Variants in ZSCAN25 observed in about 807,000 individuals in gnomAD.
ZSCAN25 encodes zinc finger and SCAN domain-containing protein 25.
A neutral mutation model predicts 38.7 loss-of-function variants in ZSCAN25; 27 were observed. The ratio of observed to expected loss-of-function variants is 0.70; its 90% CI spans 0.51 to 0.96. ZSCAN25 has a LOEUF of 0.96. Among genes scored for constraint, ZSCAN25 ranks in the 40% least tolerant of loss-of-function variants. The pLI, the probability that ZSCAN25 is intolerant of heterozygous loss-of-function variation, is 0.00. For missense variants in ZSCAN25, 637 were observed against 705.9 expected (o/e 0.90, Z 1.11); for synonymous variants, 273 against 277.7 (o/e 0.98, Z 0.17).
intron 5 of ZSCAN25, 93 bp downstream of exon 5, chr7:99,621,667 G>C (rs1806977363): frequency 2.8e-6 from 3 of 1,066,958 alleles, no homozygotes; most frequent in Non-Finnish European, 3.7e-6. Context: ...GAGCAACTAA[G>C]TTACCCACGA....
the ZSCAN25 span, among the ~76,000 whole-genome samples, chr7:99,719,408 T>A: frequency 6.6e-6 from 1 of 152,144 alleles, no homozygotes; most frequent in Non-Finnish European, 1.5e-5. Context: ...TTGGAACAAC[T>A]GGACAACTAC....
the ZSCAN25 span, among the ~76,000 whole-genome samples, chr7:99,725,126 G>A: frequency 6.6e-6 from 1 of 152,164 alleles, no homozygotes; most frequent in Admixed American, 6.5e-5. Flanking sequence ...ATACAAGGCT[G>A]TTAATTATGA....
downstream of ZSCAN25, among the ~76,000 whole-genome samples, chr7:99,636,935 A>G (rs921594061): frequency 2.6e-5 from 4 of 152,244 alleles, no homozygotes; most frequent in Non-Finnish European, 5.9e-5. Context: ...TCAAGTCTAC[A>G]CATCATTCAT....
At chr7:99,730,236 C>T in the ZSCAN25 span, among the ~76,000 whole-genome samples, 22 of 152,276 alleles carry the variant, frequency 1.4e-4, no homozygotes, top group African/African-American at 5.3e-4. Flanking sequence ...ATTAAATATT[C>T]AATAATTTTG....
chr7:99,708,906 T>C, the ZSCAN25 span: 1 of 1,120,902 alleles, frequency 8.9e-7, no homozygotes, highest in African/African-American at 1.6e-5. Flanking sequence ...AATTTCATGA[T>C]TTGAAAAAAC....
At chr7:99,724,977 G>A in the ZSCAN25 span, among the ~76,000 whole-genome samples, 11 of 152,210 alleles carry the variant, frequency 7.2e-5, no homozygotes, top group African/African-American at 2.6e-4. Flanking sequence ...ACCCACCAGT[G>A]CCATGAGCCA....
chr7:99,633,512 T>C (rs1210974450), downstream of ZSCAN25, among the ~76,000 whole-genome samples: 1 of 152,262 alleles, frequency 6.6e-6, no homozygotes, highest in African/African-American at 2.4e-5. Context: ...AGTTACTTTT[T>C]GCTTCCTGTA....
the ZSCAN25 span, chr7:99,660,159 C>G: frequency 2.2e-6 from 2 of 910,056 alleles, no homozygotes; most frequent in Non-Finnish European, 2.6e-6. Context: ...GTGTTGCTCA[C>G]GCTGGGAGCT....
the ZSCAN25 span, chr7:99,638,665 T>G: frequency 6.4e-7 from 1 of 1,562,588 alleles, no homozygotes; most frequent in Non-Finnish European, 8.8e-7. Context: ...CTGGCCCAGC[T>G]TCAACATTTA....
the ZSCAN25 span, chr7:99,714,562 G>A: frequency 2.5e-6 from 4 of 1,612,664 alleles, no homozygotes; most frequent in Middle Eastern, 5.1e-4. Context: ...TACCTTTTGT[G>A]TCTCTTTGAG....
chr7:99,656,961 T>C, the ZSCAN25 span, among the ~76,000 whole-genome samples: 1 of 152,120 alleles, frequency 6.6e-6, no homozygotes, highest in African/African-American at 2.4e-5. Flanking sequence ...TCTATTTGAT[T>C]CTTCTCTCTT....
chr7:99,701,303 A>G, the ZSCAN25 span, among the ~76,000 whole-genome samples: 2 of 152,184 alleles, frequency 1.3e-5, no homozygotes, highest in African/African-American at 4.8e-5. Context: ...TTCATGGCTG[A>G]ATTGTACTCC....
At chr7:99,715,942 A>G in the ZSCAN25 span, 136 of 1,612,530 alleles carry the variant, frequency 8.4e-5, no homozygotes, top group Admixed American at 3.3e-5. Context: ...TAAAATCAGC[A>G]CCTCTTTACC....
chr7:99,680,259 A>G, the ZSCAN25 span, among the ~76,000 whole-genome samples: 1 of 152,098 alleles, frequency 6.6e-6, no homozygotes, highest in South Asian at 2.1e-4. Flanking sequence ...TCATTCTAGA[A>G]TAATTGAAAT....
chr7:99,632,524 TG>T (rs1471500738), downstream of ZSCAN25: 18 of 158,520 alleles, frequency 1.1e-4, no homozygotes, highest in Non-Finnish European at 2.4e-4. Context: ...TAAGGGCGGC[TG>T]GGTGTGGTGG....
At chr7:99,656,069 A>C in the ZSCAN25 span, among the ~76,000 whole-genome samples, 3 of 152,100 alleles carry the variant, frequency 2.0e-5, no homozygotes, top group African/African-American at 7.2e-5. Flanking sequence ...AATACCCTTT[A>C]TTTCTTTCTC....
At chr7:99,654,550 AT>A in the ZSCAN25 span, among the ~76,000 whole-genome samples, 3 of 152,234 alleles carry the variant, frequency 2.0e-5, no homozygotes, top group Admixed American at 6.5e-5. Context: ...ATAAGTGTGC[AT>A]GTGTGTTTAT....
chr7:99,629,780 G>A lies in ZSCAN25; in HGVS notation c.1395G>A (p.Lys465=). ...AGCCCTACACCTGCGAGTGTGGCAAGAGCTTCAGCAGGAATGCCAATCTGG... is the reference window on the plus strand; with the variant it reads ...AGCCCTACACCTGCGAGTGTGGCAAAAGCTTCAGCAGGAATGCCAATCTGG... The part of the protein sequence containing the change: ...GEKPYTCECG[K]SFSRNANLAV... The change falls in exon 8 of 8, where the codon AAG becomes AAA. Residue 465 remains lysine, a synonymous_variant. Coordinates refer to ENST00000394152, the MANE Select transcript of ZSCAN25 (RefSeq NM_145115.3). The surrounding 1 kb of genome is among the most constrained non-coding windows in gnomAD (Gnocchi z 5.6). The A allele has an allele frequency of 6.2e-7, 1 of 1,614,242 alleles. No homozygotes were observed. The highest frequency in any genetic ancestry group is 8.5e-7 in the Non-Finnish European group (1 of 1,180,044).
chr7:99,643,756 G>A, the ZSCAN25 span, among the ~76,000 whole-genome samples: 2 of 151,822 alleles, frequency 1.3e-5, no homozygotes, highest in Non-Finnish European at 2.9e-5. Flanking sequence ...GTGAGATCGT[G>A]TAGGCTTGCA....
Sources: gnomAD v4.1 joint callset for allele counts (sites outside exome capture counted in the v4.1 genomes callset) on GRCh38, gnomAD v4.1.1 for gene constraint, Gnocchi (gnomAD v3.1) non-coding constraint, MANE v1.5 for transcripts, NCBI Gene and HGNC (gene_info 2026-07-23, HGNC 2026-07-21) for gene names.